TAFA4: variants seen among roughly 807,000 people sequenced by gnomAD.
TAFA4 encodes TAFA chemokine like family member 4.
Under a neutral mutation model 21.1 loss-of-function variants are expected in TAFA4, and 20 were observed. The observed-to-expected ratio is 0.95, with a 90% CI of 0.67 to 1.38. The LOEUF (loss-of-function observed/expected upper bound fraction) is 1.38, where lower values mean the gene tolerates loss of function less well. Ranked by LOEUF, TAFA4 falls within the 40% of genes most tolerant of loss-of-function variation. The pLI, the probability that TAFA4 is intolerant of heterozygous loss-of-function variation, is 0.00. For synonymous variants in TAFA4, 71 were observed against 67.4 expected (o/e 1.05, Z -0.26); for missense variants, 211 against 180.9 (o/e 1.17, Z -0.95).
intron 4 of TAFA4, among the ~76,000 whole-genome samples, chr3:68,752,653 C>T (rs1360429667): frequency 6.6e-6 from 1 of 152,174 alleles, no homozygotes; most frequent in Admixed American, 6.5e-5. Context: ...TATAATATAA[C>T]TCCCCATTGG....
At chr3:68,811,081 G>T (rs1006397537) in intron 3 of TAFA4, among the ~76,000 whole-genome samples, 1 of 152,176 alleles carries the variant, frequency 6.6e-6, no homozygotes, top group African/African-American at 2.4e-5. Flanking sequence ...TGGACCTCCA[G>T]CAAACTCCAA....
chr3:68,801,669 C>T (rs112417804), intron 3 of TAFA4, among the ~76,000 whole-genome samples: 1,784 of 152,214 alleles, frequency 0.012, 38 homozygotes, highest in African/African-American at 0.04. Flanking sequence ...CTTAAAAGAC[C>T]GAACAGTAAA....
intron 3 of TAFA4, among the ~76,000 whole-genome samples, chr3:68,766,735 T>C (rs554503552): frequency 2.6e-5 from 4 of 152,248 alleles, no homozygotes; most frequent in East Asian, 3.9e-4. Context: ...TCAGAAAGAC[T>C]TGAATTCAGT....
At chr3:68,871,544 G>A (rs1412867033) in intron 3 of TAFA4, among the ~76,000 whole-genome samples, 3 of 152,032 alleles carry the variant, frequency 2.0e-5, no homozygotes, top group Non-Finnish European at 4.4e-5. Flanking sequence ...GTAAGACTTT[G>A]AAAGCACAGG....
At chr3:68,921,350 C>A (rs1231143581) in intron 1 of TAFA4, among the ~76,000 whole-genome samples, 1 of 152,024 alleles carries the variant, frequency 6.6e-6, no homozygotes, top group Non-Finnish European at 1.5e-5. Context: ...TCACAAACTT[C>A]CAATTTTTTT....
intron 1 of TAFA4, among the ~76,000 whole-genome samples, chr3:68,891,427 G>C (rs1454464956): frequency 6.6e-6 from 1 of 152,172 alleles, no homozygotes; most frequent in Non-Finnish European, 1.5e-5. Flanking sequence ...AGAGTGAGGA[G>C]GTTTGGATAA....
At chr3:68,895,694 C>G (rs1177090010) in intron 1 of TAFA4, among the ~76,000 whole-genome samples, 1 of 152,056 alleles carries the variant, frequency 6.6e-6, no homozygotes, top group Non-Finnish European at 1.5e-5. Flanking sequence ...ATTAATTCAA[C>G]AAGGATTTTT....
chr3:68,812,898 A>G, intron 3 of TAFA4, among the ~76,000 whole-genome samples: 1 of 152,196 alleles, frequency 6.6e-6, no homozygotes, highest in Non-Finnish European at 1.5e-5. Context: ...CACCACACCT[A>G]TTCCAAAATT....
At chr3:68,802,869 A>G (rs748882622) in intron 3 of TAFA4, among the ~76,000 whole-genome samples, 1 of 152,212 alleles carries the variant, frequency 6.6e-6, no homozygotes, top group Non-Finnish European at 1.5e-5. Flanking sequence ...TGGCCTTTCA[A>G]TTAAATTACC....
At chr3:68,778,712 G>T (rs947104030) in intron 3 of TAFA4, among the ~76,000 whole-genome samples, 1 of 152,218 alleles carries the variant, frequency 6.6e-6, no homozygotes, top group African/African-American at 2.4e-5. Flanking sequence ...TGCCATGATT[G>T]TGAGGCTTCC....
chr3:68,776,522 T>C (rs1703052689), intron 3 of TAFA4, among the ~76,000 whole-genome samples: 1 of 152,142 alleles, frequency 6.6e-6, no homozygotes, highest in Admixed American at 6.5e-5. Context: ...AACAAAAGTG[T>C]TGGAACTAAA....
chr3:68,924,194 A>G (rs2090085453), intron 1 of TAFA4, among the ~76,000 whole-genome samples: 1 of 152,234 alleles, frequency 6.6e-6, no homozygotes, highest in African/African-American at 2.4e-5. Context: ...ACCTATGTTC[A>G]TAGCAGCATG....
chr3:68,809,265 G>A (rs1349940366), intron 3 of TAFA4, among the ~76,000 whole-genome samples: 2 of 152,074 alleles, frequency 1.3e-5, no homozygotes, highest in African/African-American at 4.8e-5. Context: ...TCAAAACAAT[G>A]AAAGCACAGA....
At position 68,889,814 on chromosome 3, in the gene TAFA4, A is replaced by C. The variant is rs374764010; in HGVS notation, c.-122-4504T>G. ...TTAAAATAACCATGAGAATTGTCTC[A>C]AATAAAGGCAAGAAACATGGCAACC... On this transcript the variant is annotated intron_variant, in intron 1 of 5. Coordinates refer to ENST00000295569, the MANE Select transcript of TAFA4 (RefSeq NM_182522.5). 2.0e-5 allele frequency among the ~76,000 whole-genome samples: 3 copies of C among 152,348 alleles called. No homozygotes were observed. In the East Asian group the frequency reaches 5.8e-4, roughly 29 times the overall value.
intron 3 of TAFA4, among the ~76,000 whole-genome samples, chr3:68,770,126 A>G (rs1345317944): frequency 6.6e-6 from 1 of 152,178 alleles, no homozygotes; most frequent in African/African-American, 2.4e-5. Flanking sequence ...CCCATCCAAA[A>G]GCTAAATTTG....
At chr3:68,867,755 T>C (rs557129273) in intron 3 of TAFA4, among the ~76,000 whole-genome samples, 1 of 152,224 alleles carries the variant, frequency 6.6e-6, no homozygotes, top group East Asian at 1.9e-4. Context: ...TGTAATCACT[T>C]ATCGTTTATT....
intron 3 of TAFA4, among the ~76,000 whole-genome samples, chr3:68,816,711 G>A (rs1040116108): frequency 1.3e-5 from 2 of 152,026 alleles, no homozygotes; most frequent in African/African-American, 2.4e-5. Context: ...CTGAGATATT[G>A]CAAGTTCAGT....
In TAFA4 at chr3:68,848,147, C is replaced by T. The variant is rs546344710; in HGVS notation, c.130+32583G>A. On this transcript the variant is annotated intron_variant, in intron 3 of 5. Coordinates refer to ENST00000295569, the MANE Select transcript of TAFA4 (RefSeq NM_182522.5). Reference sequence around the variant, plus strand: ...ACAGCTATTAAATAGCAGAACCAAGCTTGGAATACAGAGTCTGACTCCAGT... The same window carrying T: ...ACAGCTATTAAATAGCAGAACCAAGTTTGGAATACAGAGTCTGACTCCAGT... Among the ~76,000 whole-genome samples, 5 of 152,288 alleles carry T rather than the reference C, an allele frequency of 3.3e-5. No individual in the cohort carries two copies. The South Asian group carries it at 8.3e-4, about 25-fold the overall frequency.
At chr3:68,764,011 C>A (rs1466933685) in intron 3 of TAFA4, among the ~76,000 whole-genome samples, 1 of 152,042 alleles carries the variant, frequency 6.6e-6, no homozygotes, top group Non-Finnish European at 1.5e-5. Flanking sequence ...GAACCTAATC[C>A]ACTTATATTT....
Sources: gnomAD v4.1 joint callset for allele counts (sites outside exome capture counted in the v4.1 genomes callset) on GRCh38, gnomAD v4.1.1 for gene constraint, MANE v1.5 for transcripts, NCBI Gene and HGNC (gene_info 2026-07-23, HGNC 2026-07-21) for gene names.